The following EYA2 variants were observed in gnomAD, a reference collection of about 807,000 sequenced individuals.
EYA2 encodes the protein EYA transcriptional coactivator and phosphatase 2, also known as protein phosphatase EYA2.
In EYA2, 31 loss-of-function variants were observed where a neutral mutation model predicts 69.2. The ratio of observed to expected loss-of-function variants is 0.45; its 90% CI spans 0.34 to 0.60. The LOEUF (loss-of-function observed/expected upper bound fraction) is 0.60, where lower values mean the gene tolerates loss of function less well. Among genes scored for constraint, EYA2 ranks in the 20% least tolerant of loss-of-function variants. The pLI, the probability that EYA2 is intolerant of heterozygous loss-of-function variation, is 0.02. For synonymous variants in EYA2, 257 were observed against 279.4 expected (o/e 0.92, Z 0.80); for missense variants, 622 against 701.2 (o/e 0.89, Z 1.28).
rs540637330 is a variant in EYA2, at chr20:47,144,297, G to A, written c.978+1149G>A. Among the ~76,000 whole-genome samples the A allele has an allele frequency of 1.1e-4, 17 of 151,576 alleles. No homozygotes were observed. In the South Asian group the frequency reaches 1.9e-3, roughly 17 times the overall value. ...CGTGAACCCGGAAGGCGGACCTTGC[G>A]GTGAGCAGAGATCGTGCCACTGCAC... On this transcript the variant is annotated intron_variant, in intron 10 of 15. Transcript: ENST00000327619.
chr20:47,151,599 G>A (rs6094609), intron 10 of EYA2, among the ~76,000 whole-genome samples: 1 of 151,812 alleles, frequency 6.6e-6, no homozygotes, highest in Non-Finnish European at 1.5e-5. Flanking sequence ...CAAGGTCCAA[G>A]GCCTCGCCAG....
At chr20:47,177,137 G>A (rs1171338583) in intron 12 of EYA2, among the ~76,000 whole-genome samples, 1 of 151,660 alleles carries the variant, frequency 6.6e-6, no homozygotes, top group Non-Finnish European at 1.5e-5. Context: ...TATTGAGACT[G>A]GGTCTCACTC....
intron 7 of EYA2, among the ~76,000 whole-genome samples, chr20:47,077,917 C>T (rs1408480754): frequency 6.6e-6 from 1 of 152,120 alleles, no homozygotes; most frequent in Admixed American, 6.6e-5. Context: ...AAAAACAAAA[C>T]ATTGATGAGA....
At chr20:47,124,370 A>C (rs1040222257) in intron 9 of EYA2, among the ~76,000 whole-genome samples, 22 of 152,202 alleles carry the variant, frequency 1.4e-4, no homozygotes, top group African/African-American at 5.3e-4. Flanking sequence ...AGGGTGTGCT[A>C]TACATATAGT....
At chr20:47,136,645 A>T (rs913236576) in intron 9 of EYA2, among the ~76,000 whole-genome samples, 1 of 151,516 alleles carries the variant, frequency 6.6e-6, no homozygotes, top group African/African-American at 2.4e-5. Context: ...TGGGAGGCTG[A>T]GGCAGGAGGA....
At chr20:46,988,539 C>G (rs1482931318) in intron 1 of EYA2, among the ~76,000 whole-genome samples, 3 of 152,150 alleles carry the variant, frequency 2.0e-5, no homozygotes, top group African/African-American at 7.2e-5. Flanking sequence ...CCAAGGATGA[C>G]CTTATGATAA....
chr20:47,076,622 G>C lies in EYA2; in HGVS notation c.661+2287G>C, dbSNP rs143063122. 4.6e-3 allele frequency among the ~76,000 whole-genome samples: 700 copies of C among 152,172 alleles called. 7 individuals carry two copies. The highest frequency in any genetic ancestry group is 0.016 in the African/African-American group (650 of 41,504). On this transcript the variant is annotated intron_variant, in intron 7 of 15. Coordinates refer to ENST00000327619, the MANE Select transcript of EYA2 (RefSeq NM_005244.5). ...CCTTTTGATTAGCCAAGATTTTTTG[G>C]CTTCAAAAGACATAGAAAATCCAAT...
intron 2 of EYA2, among the ~76,000 whole-genome samples, chr20:46,995,797 C>A (rs895447746): frequency 3.3e-5 from 5 of 152,208 alleles, no homozygotes; most frequent in Non-Finnish European, 5.9e-5. Context: ...AAATTGTGCT[C>A]ATGGATTTAA....
chr20:47,076,218 G>A (rs935037645), intron 7 of EYA2, among the ~76,000 whole-genome samples: 1 of 152,188 alleles, frequency 6.6e-6, no homozygotes, highest in African/African-American at 2.4e-5. Context: ...TATATACCCA[G>A]TAATGGGATT....
At chr20:46,989,640 C>T (rs186917761) in intron 1 of EYA2, among the ~76,000 whole-genome samples, 43 of 152,336 alleles carry the variant, frequency 2.8e-4, no homozygotes, top group African/African-American at 9.6e-4. Flanking sequence ...TAAATCCAAA[C>T]GCTCCCTCTC....
At chr20:47,047,543 C>T (rs575037241) in intron 5 of EYA2, among the ~76,000 whole-genome samples, 6 of 152,298 alleles carry the variant, frequency 3.9e-5, no homozygotes, top group Admixed American at 2.0e-4. Flanking sequence ...TGTGCCACCA[C>T]GCCTGGCTAA....
rs1555834665 is a variant in EYA2 at position 47,172,822 on chromosome 20, C to T, written c.1153C>T (p.Arg385Trp). The T allele has an allele frequency of 1.9e-6, 3 of 1,614,046 alleles. No homozygotes were observed. The highest frequency in any genetic ancestry group is 1.7e-6 in the Non-Finnish European group (2 of 1,179,960). ...GATGAGGAAGCTGGCCTTCCGCTAC[C>T]GGCGGGTGAAGGAGATGTACAATAC... ...DWMRKLAFRY[R>W]RVKEMYNTYK... Residue 385 changes from arginine (R) to tryptophan (W), a missense_variant, in exon 12 of 16, where the codon CGG (arginine) becomes TGG (tryptophan). Physicochemically the swap from Arg to Trp is moderately radical, Grantham distance 101 (BLOSUM62 -3). Around this residue, in one of 2 missense-constraint regions of EYA2, gnomAD observed 257 missense variants for 351.5 expected, o/e 0.73. Transcript: ENST00000327619.
intron 4 of EYA2, among the ~76,000 whole-genome samples, chr20:47,007,598 T>G (rs1170638123): frequency 4.0e-5 from 6 of 151,864 alleles, no homozygotes; most frequent in African/African-American, 7.2e-5. Context: ...CTTAGGTGGG[T>G]TTTTTTTAAT....
chr20:47,047,132 T>G (rs1279193694), intron 5 of EYA2, among the ~76,000 whole-genome samples: 1 of 152,186 alleles, frequency 6.6e-6, no homozygotes, highest in Admixed American at 6.5e-5. Context: ...GAATATCCAC[T>G]TACGCTGTAG....
At chr20:46,982,806 T>C (rs563232381) in intron 1 of EYA2, among the ~76,000 whole-genome samples, 1 of 150,362 alleles carries the variant, frequency 6.7e-6, no homozygotes, top group Non-Finnish European at 1.5e-5. Context: ...AGAGTTTTGC[T>C]TGTGTCACCC....
chr20:47,162,282 CA>C (rs1320631565), intron 10 of EYA2, among the ~76,000 whole-genome samples: 2 of 152,122 alleles, frequency 1.3e-5, no homozygotes, highest in Admixed American at 1.3e-4. Context: ...GGACACAGTT[CA>C]ACCCATAACA....
chr20:47,046,094 T>C (rs192334241), intron 5 of EYA2, among the ~76,000 whole-genome samples: 1 of 152,302 alleles, frequency 6.6e-6, no homozygotes, highest in Non-Finnish European at 1.5e-5. Context: ...GGTGCCAGCA[T>C]GGTCAGGTTC....
Position 46,993,904 on chromosome 20 carries a change from G to T in EYA2, c.109+3785G>T, listed in dbSNP as rs140089591. Among the ~76,000 whole-genome samples the T allele has an allele frequency of 6.5e-3, 992 of 152,348 alleles. 11 individuals carry two copies. The highest frequency in any genetic ancestry group is 0.014 in the Middle Eastern group (4 of 294). ...GCCGTATGCACAGAGAAGACAGCAA[G>T]TGCAAAGGCCCTGAGGCAGCAGTGT... On this transcript the variant is annotated intron_variant, in intron 2 of 15. Transcript: ENST00000327619.
chr20:47,145,760 G>A (rs2033687440), intron 10 of EYA2, among the ~76,000 whole-genome samples: 2 of 152,066 alleles, frequency 1.3e-5, no homozygotes, highest in Non-Finnish European at 2.9e-5. Flanking sequence ...TATTAGCCAG[G>A]TGTGGTGGCG....
Sources: gnomAD v4.1 joint callset for allele counts (sites outside exome capture counted in the v4.1 genomes callset) on GRCh38, gnomAD v4.1.1 for gene constraint, gnomAD v4.1.1 regional missense constraint, MANE v1.5 for transcripts, NCBI Gene and HGNC (gene_info 2026-07-23, HGNC 2026-07-21) for gene names.